FBXO28: variants seen among roughly 807,000 people sequenced by gnomAD.
FBXO28 encodes F-box protein 28.
Under a neutral mutation model 38.1 loss-of-function variants are expected in FBXO28, and 8 were observed. The ratio of observed to expected loss-of-function variants is 0.21; its 90% CI spans 0.12 to 0.38. The LOEUF (loss-of-function observed/expected upper bound fraction) is 0.38. FBXO28 is among the 10% of genes least tolerant of loss of function. The pLI, the probability that FBXO28 is intolerant of heterozygous loss-of-function variation, is 1.00. For synonymous variants in FBXO28, 168 were observed against 173.8 expected (o/e 0.97, Z 0.26); for missense variants, 345 against 460.6 (o/e 0.75, Z 2.30).
intron 1 of FBXO28, among the ~76,000 whole-genome samples, chr1:224,128,983 CAA>C (rs11309343): frequency 2.6e-3 from 252 of 98,140 alleles, no homozygotes; most frequent in African/African-American, 9.6e-3. Context: ...AAGACCCTGT[CAA>C]AAAAAAAAAA....
At chr1:224,125,473 C>G (rs1310838380) in intron 1 of FBXO28, among the ~76,000 whole-genome samples, 1 of 151,988 alleles carries the variant, frequency 6.6e-6, no homozygotes, top group African/African-American at 2.4e-5. Context: ...TTCACTATCT[C>G]CAGTGAAATT....
At chr1:224,153,116 G>A (rs781638421) in intron 3 of FBXO28, 26 bp from the exon 4 acceptor site, 12 of 1,553,810 alleles carry the variant, frequency 7.7e-6, no homozygotes, top group Non-Finnish European at 9.6e-6. Flanking sequence ...AAAATCTAAA[G>A]TGCTAATGAG....
At chr1:224,132,202 A>G (rs772086460) in intron 2 of FBXO28, among the ~76,000 whole-genome samples, 1 of 152,210 alleles carries the variant, frequency 6.6e-6, no homozygotes, top group African/African-American at 2.4e-5. Flanking sequence ...CAGTGAGCCA[A>G]GATCGCGCCA....
intron 1 of FBXO28, among the ~76,000 whole-genome samples, chr1:224,128,725 G>T (rs1656963366): frequency 6.6e-6 from 1 of 152,106 alleles, no homozygotes; most frequent in Non-Finnish European, 1.5e-5. Context: ...GGTGGCTCAT[G>T]CCTATAACCA....
At chr1:224,150,421 A>G (rs1657615777) in intron 3 of FBXO28, among the ~76,000 whole-genome samples, 2 of 152,158 alleles carry the variant, frequency 1.3e-5, no homozygotes, top group South Asian at 2.1e-4. Context: ...TCCTAGCACT[A>G]TACATAAAAT....
At chr1:224,120,416 A>G (rs1374609293) in intron 1 of FBXO28, among the ~76,000 whole-genome samples, 2 of 152,236 alleles carry the variant, frequency 1.3e-5, no homozygotes, top group Non-Finnish European at 2.9e-5. Flanking sequence ...CCATTGCATC[A>G]TTATTGCACT....
chr1:224,145,483 G>A (rs921062993), intron 3 of FBXO28, among the ~76,000 whole-genome samples: 2 of 151,968 alleles, frequency 1.3e-5, no homozygotes, highest in African/African-American at 4.8e-5. Context: ...ATTAAAATGA[G>A]GACTTCTGTA....
chr1:224,121,831 A>C (rs540116313), intron 1 of FBXO28, among the ~76,000 whole-genome samples: 1 of 152,102 alleles, frequency 6.6e-6, no homozygotes, highest in African/African-American at 2.4e-5. Context: ...GCTGGAGTGC[A>C]GTGGCACGAT....
chr1:224,143,866 G>C (rs1346191226), intron 3 of FBXO28, among the ~76,000 whole-genome samples: 3 of 150,038 alleles, frequency 2.0e-5, no homozygotes, highest in Non-Finnish European at 4.4e-5. Flanking sequence ...TGAATGAATA[G>C]CCAGGCATGG....
chr1:224,139,749 C>A (rs9725209), intron 3 of FBXO28, among the ~76,000 whole-genome samples: 988 of 44,308 alleles, frequency 0.022, 12 homozygotes, highest in African/African-American at 0.054. Context: ...GAAATAAATA[C>A]ATACATGCAT....
At chr1:224,140,668 G>A (rs1318783588) in intron 3 of FBXO28, among the ~76,000 whole-genome samples, 5 of 152,102 alleles carry the variant, frequency 3.3e-5, no homozygotes, top group Non-Finnish European at 1.5e-5. Context: ...TAGCAGGCCG[G>A]GCAGGATTGC....
In FBXO28 at chr1:224,134,203, C is replaced by A. The variant is rs1248760258; in HGVS notation, c.507C>A (p.Ile169=). 1 of 1,612,040 alleles carries A rather than the reference C, an allele frequency of 6.2e-7. No individual in the cohort carries two copies. The highest frequency in any genetic ancestry group is 1.7e-5 in the Admixed American group (1 of 59,752). The change falls in exon 3 of 5, where the codon ATC becomes ATA. Residue 169 remains isoleucine, a synonymous_variant. Transcript: ENST00000366862. ...TGGATTCCAATCTCTGTTGCTTCAT[C>A]CCAGGAAAGGTAAAATAGAATTGCT... ...KYVDSNLCCF[I]PGKVIDEIYR...
At position 224,153,178 on chromosome 1, in the gene FBXO28, A is replaced by C; in HGVS notation, c.553A>C (p.Asn185His). The change falls in exon 4 of 5, where the codon AAT becomes CAT. Residue 185 changes from asparagine to histidine, a missense_variant. By Grantham distance (68) the Asn-to-His change is moderately conservative. Transcript: ENST00000366862. Reference sequence around the variant, plus strand: ...GATTTATCGTGTGTTGAGATATGTCAATTCTACCAGAGCCCCTCAACGAGC... The same window carrying C: ...GATTTATCGTGTGTTGAGATATGTCCATTCTACCAGAGCCCCTCAACGAGC... Reference protein sequence around the residue: ...DEIYRVLRYVNSTRAPQRAHE... With the variant: ...DEIYRVLRYVHSTRAPQRAHE... The C allele has an allele frequency of 1.2e-6, 2 of 1,608,784 alleles. No homozygotes were observed. Among genetic ancestry groups the C allele is most frequent in the Non-Finnish European group, 1.7e-6 (2 of 1,178,472 alleles).
At chr1:224,151,969 C>T (rs2896984) in intron 3 of FBXO28, among the ~76,000 whole-genome samples, 140,532 of 151,800 alleles carry the variant, frequency 0.93, 65,918 homozygotes, top group Non-Finnish European at 1. Context: ...TTGAACCCTG[C>T]GGTTGGAGAT....
intron 2 of FBXO28, among the ~76,000 whole-genome samples, chr1:224,133,790 C>T (rs2014782): frequency 0.41 from 62,552 of 151,502 alleles, 13,096 homozygotes; most frequent in East Asian, 0.56. Flanking sequence ...GGATTACAGG[C>T]GTGAGCCTCC....
intron 2 of FBXO28, among the ~76,000 whole-genome samples, chr1:224,131,476 T>C (rs1162734194): frequency 2.6e-5 from 4 of 152,216 alleles, no homozygotes; most frequent in Non-Finnish European, 5.9e-5. Flanking sequence ...AGGATAGACC[T>C]GTAGATCAAA....
Position 224,153,301 on chromosome 1 carries a change from T to A in FBXO28, c.676T>A (p.Ser226Thr), listed in dbSNP as rs750795833. 4 of 1,607,740 alleles carry A rather than the reference T, an allele frequency of 2.5e-6. No homozygotes were observed. The South Asian group carries it at 4.5e-5, about 18-fold the overall frequency. The part of the protein sequence containing the change: ...VPILKRKLPG[S>T]DVSGRLMGSP... ...AATTTTAAAGAGGAAATTACCAGGA[T>A]CAGATGTTTCTGGAAGACTCATGGG... The change falls in exon 4 of 5, where the codon TCA becomes ACA. Residue 226 changes from serine to threonine, a missense_variant. By Grantham distance (58) the Ser-to-Thr change is moderately conservative. This residue lies in a region of FBXO28 where 151 missense variants were observed against 188.3 expected (regional missense o/e 0.80). Transcript: ENST00000366862.
Position 224,159,135 on chromosome 1 carries a change from G to A in FBXO28, c.*1389G>A, listed in dbSNP as rs543038688. On this transcript the variant is annotated 3_prime_UTR_variant, in exon 5 of 5. Coordinates refer to ENST00000366862, the MANE Select transcript of FBXO28 (RefSeq NM_015176.4). The stretch of plus-strand genomic sequence containing the variant: ...TACTAAATTATGTAGCTATTTGACT[G>A]TTAAGTTCTTTTAAACAACTGTTTC... The A allele has an allele frequency of 6.6e-6, 1 of 152,526 alleles. No homozygotes were observed. Among genetic ancestry groups the A allele is most frequent in the Admixed American group, 6.6e-5 (1 of 15,260 alleles). The allele number at this position is 152,526 out of a possible 1,614,324, so 9.4% of individuals were successfully genotyped here.
chr1:224,126,140 CT>C (rs1656898154), intron 1 of FBXO28, among the ~76,000 whole-genome samples: 2 of 152,156 alleles, frequency 1.3e-5, no homozygotes, highest in Non-Finnish European at 1.5e-5. Flanking sequence ...TAATTCAAAT[CT>C]TTTGTCATGT....
Sources: gnomAD v4.1 joint callset for allele counts (sites outside exome capture counted in the v4.1 genomes callset) on GRCh38, gnomAD v4.1.1 for gene constraint, gnomAD v4.1.1 regional missense constraint, MANE v1.5 for transcripts, NCBI Gene and HGNC (gene_info 2026-07-23, HGNC 2026-07-21) for gene names.